The following TMED3 variants were observed in gnomAD, a reference collection of about 807,000 sequenced individuals.
TMED3 encodes the protein transmembrane emp24 domain-containing protein 3.
In TMED3, 9 loss-of-function variants were observed where a neutral mutation model predicts 15.0. The ratio of observed to expected loss-of-function variants is 0.60; its 90% confidence interval spans 0.36 to 1.04. The LOEUF (loss-of-function observed/expected upper bound fraction) is 1.04. Ranked by LOEUF, TMED3 falls within the 50% of genes least tolerant of loss-of-function variation. The probability of loss-of-function intolerance (pLI) is 0.01; values close to 1 mark genes in which losing one functional copy is unlikely to be tolerated. For synonymous variants in TMED3, 117 were observed against 121.4 expected, an observed-to-expected ratio of 0.96 and a Z score of 0.24; for missense variants, 267 against 278.9, an observed-to-expected ratio of 0.96 and a Z score of 0.30.
chr15:79,384,239 G>A (rs1460034150), intron 2 of TMED3: 2 of 152,258 alleles, frequency 1.3e-5, no homozygotes, highest in Non-Finnish European at 2.9e-5. Context: ...AGGACTTGAA[G>A]GATAGGAGGG....
chr15:79,323,688 G>A (rs541281071), downstream of TMED3, among the ~76,000 whole-genome samples: 50 of 152,256 alleles, frequency 3.3e-4, 2 homozygotes, highest in Admixed American at 2.9e-3. Context: ...ATCAAGCACT[G>A]AGAAAGGAGT....
At chr15:79,353,584 A>ACACACT (rs903793113) in intron 2 of TMED3, among the ~76,000 whole-genome samples, 13 of 149,132 alleles carry the variant, frequency 8.7e-5, no homozygotes, top group African/African-American at 3.2e-4. Context: ...ATACACACAC[A>ACACACT]CACACACACA....
intron 2 of TMED3, among the ~76,000 whole-genome samples, chr15:79,408,820 C>T (rs1893935203): frequency 6.6e-6 from 1 of 152,166 alleles, no homozygotes; most frequent in African/African-American, 2.4e-5. Context: ...AGAAGTACCA[C>T]ATGAAGTATT....
intron 2 of TMED3, among the ~76,000 whole-genome samples, chr15:79,320,247 C>T (rs150031453): frequency 6.6e-6 from 1 of 152,220 alleles, no homozygotes; most frequent in Non-Finnish European, 1.5e-5. Context: ...CTGGTCACTT[C>T]TCACTATGTC....
intron 2 of TMED3, among the ~76,000 whole-genome samples, chr15:79,404,012 C>T (rs1893869139): frequency 1.3e-5 from 2 of 152,176 alleles, no homozygotes. Context: ...AAAATGATTT[C>T]ATTGTTCTGT....
chr15:79,408,968 C>T (rs1275568277), intron 2 of TMED3, among the ~76,000 whole-genome samples: 1 of 152,150 alleles, frequency 6.6e-6, no homozygotes, highest in African/African-American at 2.4e-5. Flanking sequence ...TAGAAAGATA[C>T]AAGAAAACTT....
In TMED3 at chr15:79,322,214, GC is replaced by G; in HGVS notation, c.*4del. 1 of 1,611,306 alleles carries G rather than the reference GC, an allele frequency of 6.2e-7. No individual in the cohort carries two copies. Among genetic ancestry groups the G allele is most frequent in the Non-Finnish European group, 8.5e-7 (1 of 1,178,270 alleles). On this transcript the variant is annotated 3_prime_UTR_variant, in exon 3 of 3. Transcript: ENST00000299705. Reference sequence around the variant, plus strand: ...CCATCAGCAGGGCAGTCCACTCCTAGCCCCGGCATCCTGCTCTAGGGCCCCT... The same window carrying G: ...CCATCAGCAGGGCAGTCCACTCCTAGCCCGGCATCCTGCTCTAGGGCCCCT...
At chr15:79,344,407 A>T (rs1402278642) in intron 2 of TMED3, among the ~76,000 whole-genome samples, 1 of 152,192 alleles carries the variant, frequency 6.6e-6, no homozygotes, top group East Asian at 1.9e-4. Context: ...GGCTCCTTCC[A>T]GATGCTCTGG....
chr15:79,353,863 T>C (rs1044924044), intron 2 of TMED3, among the ~76,000 whole-genome samples: 4 of 152,302 alleles, frequency 2.6e-5, no homozygotes, highest in Admixed American at 6.5e-5. Flanking sequence ...CACTTTGTCA[T>C]ATGCTTCTTC....
rs762291559 is a variant in TMED3 at position 79,313,803 on chromosome 15, C to T, written c.215C>T (p.Pro72Leu). The change falls in exon 2 of 3, where the codon CCC becomes CTC. Residue 72 changes from proline (P) to leucine (L), a missense_variant. Coordinates refer to ENST00000299705, the MANE Select transcript of TMED3 (RefSeq NM_007364.4). ...GATGTTGACTGCTATGTAGAGGACC[C>T]CCAGGGGAACACCATCTACAGAGAA... Reference protein sequence around the residue: ...HYDVDCYVEDPQGNTIYRETK... With the variant: ...HYDVDCYVEDLQGNTIYRETK... The T allele has an allele frequency of 1.2e-6, 2 of 1,614,042 alleles. No individual in the cohort carries two copies. Among genetic ancestry groups the T allele is most frequent in the Non-Finnish European group, 1.7e-6 (2 of 1,180,042 alleles).
chr15:79,352,257 T>C (rs2058893776), intron 2 of TMED3, among the ~76,000 whole-genome samples: 1 of 152,164 alleles, frequency 6.6e-6, no homozygotes, highest in Non-Finnish European at 1.5e-5. Flanking sequence ...TTATTTGGCA[T>C]AGACCATTGT....
At chr15:79,355,159 A>G (rs369308064) in intron 2 of TMED3, among the ~76,000 whole-genome samples, 1 of 152,130 alleles carries the variant, frequency 6.6e-6, no homozygotes, top group East Asian at 1.9e-4. Flanking sequence ...TATTACACCA[A>G]TTCACCAATT....
chr15:79,412,255 T>C (rs1323848021), exon 3 of TMED3: 1 of 152,144 alleles, frequency 6.6e-6, no homozygotes, highest in Non-Finnish European at 1.5e-5. Flanking sequence ...AGGCAGATCT[T>C]GCCTTCTCTG....
chr15:79,368,943 A>G (rs1352279815), intron 2 of TMED3, among the ~76,000 whole-genome samples: 1 of 151,894 alleles, frequency 6.6e-6, no homozygotes, highest in African/African-American at 2.4e-5. Context: ...CACGCAAAAA[A>G]AATTAGCTGG....
At chr15:79,311,971 G>C (rs575911088) in intron 1 of TMED3, among the ~76,000 whole-genome samples, 75 of 152,356 alleles carry the variant, frequency 4.9e-4, no homozygotes, top group African/African-American at 1.8e-3. Context: ...TACAAGGAGC[G>C]GTGTGGCTGC....
chr15:79,319,668 G>A (rs934096560), intron 2 of TMED3, among the ~76,000 whole-genome samples: 3 of 152,122 alleles, frequency 2.0e-5, no homozygotes, highest in Admixed American at 1.3e-4. Flanking sequence ...CGAATGCCAG[G>A]CTGCGCTGAT....
chr15:79,323,093 C>T (rs2058775040), downstream of TMED3, among the ~76,000 whole-genome samples: 1 of 152,182 alleles, frequency 6.6e-6, no homozygotes, highest in Non-Finnish European at 1.5e-5. Context: ...CTGATAATAC[C>T]TTCTCCCGGA....
At chr15:79,351,863 G>A (rs868530698) in intron 2 of TMED3, among the ~76,000 whole-genome samples, 1 of 152,112 alleles carries the variant, frequency 6.6e-6, no homozygotes, top group South Asian at 2.1e-4. Flanking sequence ...TGTGATATAC[G>A]TATATGATGG....
At position 79,347,135 on chromosome 15, in the gene TMED3, ATACTG is replaced by A. The variant is rs1426041205; in HGVS notation, c.417+33131_417+33135del. Among the ~76,000 whole-genome samples the A allele has an allele frequency of 2.6e-5, 4 of 152,250 alleles. No homozygotes were observed. The East Asian group carries it at 7.7e-4, about 29-fold the overall frequency. On this transcript the variant is annotated intron_variant, in intron 2 of 2. Transcript: ENST00000424155. ...CATCAGTGCAAAAATCCTCAACAAA[ATACTG>A]GCAAACTGAATCCAGCAGCACATCA...
Sources: gnomAD v4.1 joint callset for allele counts (sites outside exome capture counted in the v4.1 genomes callset) on GRCh38, gnomAD v4.1.1 for gene constraint, MANE v1.5 for transcripts, NCBI Gene and HGNC (gene_info 2026-07-23, HGNC 2026-07-21) for gene names.